The following LRRK1 variants were observed in gnomAD, a reference collection of about 807,000 sequenced individuals.
The protein encoded by LRRK1 is leucine-rich repeat serine/threonine-protein kinase 1.
In LRRK1, 113 loss-of-function variants were observed where a neutral mutation model predicts 209.1. That is an observed-to-expected ratio of 0.54 (90% confidence interval 0.46 to 0.63). The LOEUF is 0.63. Among genes scored for constraint, LRRK1 ranks in the 30% least tolerant of loss-of-function variants. The pLI is 0.00. For missense variants in LRRK1, 2,284 were observed against 2,632.2 expected, an observed-to-expected ratio of 0.87 and a Z score of 2.89; for synonymous variants, 1,144 against 1,099.7, an observed-to-expected ratio of 1.04 and a Z score of -0.80.
intron 2 of LRRK1, among the ~76,000 whole-genome samples, chr15:100,940,720 G>T (rs2042385603): frequency 6.6e-6 from 1 of 152,198 alleles, no homozygotes; most frequent in African/African-American, 2.4e-5. Context: ...CCCTGGAGGT[G>T]CTGGAAAGCT....
Position 101,022,200 on chromosome 15 carries a change from G to A in LRRK1, c.1853-183G>A. 1.5e-6 allele frequency: 1 copy of A among 659,136 alleles called. No individual in the cohort carries two copies. The highest frequency in any genetic ancestry group is 2.9e-5 in the Admixed American group (1 of 35,028). The allele number at this position is 659,136 out of a possible 1,614,324, so 40.8% of individuals were successfully genotyped here. On this transcript the variant is annotated intron_variant, in intron 14 of 33. Coordinates refer to ENST00000388948, the MANE Select transcript of LRRK1 (RefSeq NM_024652.6). The surrounding 1 kb of genome is among the most constrained non-coding windows in gnomAD (Gnocchi z 4.0). ...GCAAGGATTTTGTCCATAGGTTCTT[G>A]CCTCTTAGAGTTCGCTTTTAGGGTG...
chr15:100,952,430 A>C (rs2042673572), intron 2 of LRRK1, among the ~76,000 whole-genome samples: 1 of 152,240 alleles, frequency 6.6e-6, no homozygotes, highest in Non-Finnish European at 1.5e-5. Context: ...CCAGGCTAAA[A>C]AGGAATTTGC....
intron 2 of LRRK1, among the ~76,000 whole-genome samples, chr15:100,929,293 G>A (rs2141596173): frequency 6.6e-6 from 1 of 152,208 alleles, no homozygotes; most frequent in South Asian, 2.1e-4. Context: ...CTCTCTGTGA[G>A]TGGCCGTCGC....
chr15:101,056,818 C>A lies in LRRK1; in HGVS notation c.4333-38C>A, dbSNP rs754907375. 1.3e-5 allele frequency: 20 copies of A among 1,523,586 alleles called. No individual in the cohort carries two copies. The East Asian group carries it at 4.7e-4, about 36-fold the overall frequency. The allele number at this position is 1,523,586 out of a possible 1,614,324, so 94.4% of individuals were successfully genotyped here. A position where few individuals can be genotyped will look rare whatever the true frequency, so the allele number is the denominator to read the frequency against. On this transcript the variant is annotated intron_variant, in intron 27 of 33. Coordinates refer to ENST00000388948, the MANE Select transcript of LRRK1 (RefSeq NM_024652.6). Reference sequence around the variant, plus strand: ...GGGCCACCTTGTGAAGGCCACTGGGCCCAGGCAGCGACCTGACTTGGCTTG... The same window carrying A: ...GGGCCACCTTGTGAAGGCCACTGGGACCAGGCAGCGACCTGACTTGGCTTG...
chr15:100,952,126 C>A (rs1274711021), intron 2 of LRRK1, among the ~76,000 whole-genome samples: 1 of 151,978 alleles, frequency 6.6e-6, no homozygotes, highest in South Asian at 2.1e-4. Flanking sequence ...AAGAGGCAAA[C>A]TGTAGAGATA....
chr15:100,944,058 C>A (rs12909988), intron 2 of LRRK1, among the ~76,000 whole-genome samples: 6 of 152,010 alleles, frequency 3.9e-5, no homozygotes, highest in South Asian at 2.1e-4. Context: ...AATCATGAAG[C>A]GGGGCTGTTA....
intron 20 of LRRK1, among the ~76,000 whole-genome samples, chr15:101,038,331 G>A (rs766103504): frequency 4.6e-5 from 7 of 152,098 alleles, no homozygotes; most frequent in African/African-American, 1.2e-4. Context: ...ACTTTATCAC[G>A]TAACCAAACA....
chr15:101,008,177 G>A (rs368939614), intron 6 of LRRK1, among the ~76,000 whole-genome samples: 15 of 131,998 alleles, frequency 1.1e-4, no homozygotes, highest in African/African-American at 3.6e-4. Context: ...AAAAAAAAAA[G>A]AGGCTGGCCT....
rs1304479881 is a variant in LRRK1, at chr15:100,989,332, C to T, written c.696C>T (p.Ser232=). 2 of 1,614,102 alleles carry T rather than the reference C, an allele frequency of 1.2e-6. No homozygotes were observed. The highest frequency in any genetic ancestry group is 2.7e-5 in the African/African-American group (2 of 74,934). ...SYILLDSPDP[S]KHLLRKYFIE... ...TCTTGCTGGATAGTCCTGACCCCAG[C>T]AAACATCTGCTGAGAAAGTACTTCA... Residue 232 remains serine, a synonymous_variant, in exon 6 of 34, where the codon AGC becomes AGT. Coordinates refer to ENST00000388948, the MANE Select transcript of LRRK1 (RefSeq NM_024652.6).
chr15:100,965,471 A>G (rs533869125), intron 2 of LRRK1, among the ~76,000 whole-genome samples: 1 of 152,238 alleles, frequency 6.6e-6, no homozygotes, highest in Non-Finnish European at 1.5e-5. Context: ...TGGCCGGCAC[A>G]TTGAAATACC....
intron 2 of LRRK1, among the ~76,000 whole-genome samples, chr15:100,964,474 C>T (rs1385877921): frequency 6.6e-6 from 1 of 152,206 alleles, no homozygotes; most frequent in Non-Finnish European, 1.5e-5. Context: ...AAGGCCAGCC[C>T]CGTTTCCCTG....
intron 33 of LRRK1, chr15:101,067,127 A>G (rs1280728731): frequency 7.6e-6 from 3 of 397,176 alleles, no homozygotes; most frequent in Non-Finnish European, 1.5e-5. Flanking sequence ...ACAGCACCCT[A>G]TGGGGACAGA....
At chr15:101,060,888 G>A (rs183550759) in intron 29 of LRRK1, among the ~76,000 whole-genome samples, 58 of 152,372 alleles carry the variant, frequency 3.8e-4, no homozygotes, top group African/African-American at 1.3e-3. Flanking sequence ...GGCAGGATAT[G>A]GCCGGCGGGA....
At chr15:101,059,732 G>T (rs1190151784) in intron 29 of LRRK1, among the ~76,000 whole-genome samples, 1 of 152,138 alleles carries the variant, frequency 6.6e-6, no homozygotes, top group Non-Finnish European at 1.5e-5. Context: ...CACTGAAAAG[G>T]CCTAAAAACA....
intron 21 of LRRK1, among the ~76,000 whole-genome samples, chr15:101,048,097 T>C (rs574580413): frequency 1.6e-5 from 2 of 127,210 alleles, no homozygotes; most frequent in East Asian, 3.2e-4. Context: ...CATATGGAGA[T>C]AGAAAAAAAA....
At chr15:100,984,781 C>T (rs1204413844) in intron 4 of LRRK1, among the ~76,000 whole-genome samples, 1 of 152,006 alleles carries the variant, frequency 6.6e-6, no homozygotes, top group East Asian at 1.9e-4. Context: ...TGTAATTTCC[C>T]GTGGTGGTCT....
At chr15:101,040,001 T>C (rs1316844347) in intron 20 of LRRK1, among the ~76,000 whole-genome samples, 1 of 152,206 alleles carries the variant, frequency 6.6e-6, no homozygotes, top group African/African-American at 2.4e-5. Context: ...AATTTTTTAA[T>C]CTATGTTCAT....
At chr15:100,988,221 C>T (rs1031279238) in intron 4 of LRRK1, among the ~76,000 whole-genome samples, 24 of 152,122 alleles carry the variant, frequency 1.6e-4, no homozygotes, top group African/African-American at 4.1e-4. Context: ...TGCCGGGGTT[C>T]GGTATGCAGA....
At chr15:101,015,147 G>A (rs545114355) in intron 11 of LRRK1, among the ~76,000 whole-genome samples, 179 bp from the exon 12 acceptor site, 9 of 152,314 alleles carry the variant, frequency 5.9e-5, no homozygotes, top group African/African-American at 1.7e-4. Flanking sequence ...GGACCTCTGC[G>A]GGGAGGGGTG....
Sources: allele counts gnomAD v4.1 joint callset (sites outside exome capture counted in the v4.1 genomes callset), GRCh38; gene constraint gnomAD v4.1.1; non-coding constraint Gnocchi (gnomAD v3.1); transcripts MANE v1.5; gene names NCBI Gene and HGNC (gene_info 2026-07-23, HGNC 2026-07-21).